MIPOL1: variants seen among roughly 807,000 people sequenced by gnomAD.
MIPOL1 encodes mirror-image polydactyly 1, also known as mirror-image polydactyly gene 1 protein.
Under a neutral mutation model 60.9 loss-of-function variants are expected in MIPOL1, and 57 were observed. The observed-to-expected ratio is 0.94, with a 90% CI of 0.76 to 1.17. MIPOL1 has a LOEUF of 1.17. Among genes scored for constraint, MIPOL1 ranks in the 50% most tolerant of loss-of-function variants. The pLI is 0.00. For missense variants in MIPOL1, 551 were observed against 511.6 expected, an observed-to-expected ratio of 1.08 and a Z score of -0.74; for synonymous variants, 179 against 168.8, an observed-to-expected ratio of 1.06 and a Z score of -0.47.
At chr14:37,222,782 A>G (rs1969032257) in intron 1 of MIPOL1, among the ~76,000 whole-genome samples, 1 of 152,114 alleles carries the variant, frequency 6.6e-6, no homozygotes, top group African/African-American at 2.4e-5. Context: ...TAAGCTTTCC[A>G]TTTATGTCAA....
intron 6 of MIPOL1, among the ~76,000 whole-genome samples, chr14:37,283,207 G>C (rs952810163): frequency 1.3e-5 from 2 of 151,916 alleles, no homozygotes; most frequent in African/African-American, 4.8e-5. Context: ...CTGAGATCAC[G>C]GGTGCCCGCC....
At position 37,515,342 on chromosome 14, in the gene MIPOL1, A is replaced by G. The variant is rs564940541; in HGVS notation, c.1262+15204A>G. Reference sequence around the variant, plus strand: ...GTAGACTACTTTAGCAGGTCTTTCTATAGGAAGACTGACCAAAAGTGACAA... The same window carrying G: ...GTAGACTACTTTAGCAGGTCTTTCTGTAGGAAGACTGACCAAAAGTGACAA... On this transcript the variant is annotated intron_variant, in intron 12 of 12. Transcript: ENST00000684589. Among the ~76,000 whole-genome samples the G allele has an allele frequency of 2.6e-5, 4 of 151,556 alleles. No individual in the cohort carries two copies. In the South Asian group the frequency reaches 6.2e-4, roughly 24 times the overall value.
chr14:37,318,967 G>C (rs1375338042), intron 9 of MIPOL1, among the ~76,000 whole-genome samples: 1 of 151,930 alleles, frequency 6.6e-6, no homozygotes, highest in Non-Finnish European at 1.5e-5. Context: ...AGCCTCCAGG[G>C]AGCTGGGACA....
chr14:37,213,828 A>G (rs191337793), intron 1 of MIPOL1, among the ~76,000 whole-genome samples: 32 of 152,340 alleles, frequency 2.1e-4, no homozygotes, highest in African/African-American at 7.7e-4. Flanking sequence ...AAGTATCAAG[A>G]GAATAGAAAT....
At chr14:37,344,956 G>A (rs985593392) in intron 9 of MIPOL1, among the ~76,000 whole-genome samples, 2 of 149,596 alleles carry the variant, frequency 1.3e-5, no homozygotes, top group Non-Finnish European at 2.9e-5. Context: ...CTTGAGCCCA[G>A]GAGTACGAGG....
chr14:37,431,828 G>C (rs1158333259), intron 11 of MIPOL1, among the ~76,000 whole-genome samples: 2 of 150,710 alleles, frequency 1.3e-5, no homozygotes, highest in Admixed American at 6.6e-5. Context: ...CTCGTGATCC[G>C]CTCGCCTCAG....
chr14:37,433,132 C>T (rs1389821475), intron 11 of MIPOL1, among the ~76,000 whole-genome samples: 1 of 152,146 alleles, frequency 6.6e-6, no homozygotes, highest in Non-Finnish European at 1.5e-5. Context: ...GCAATCATAG[C>T]TCACTGCAGC....
intron 9 of MIPOL1, among the ~76,000 whole-genome samples, chr14:37,346,242 T>C (rs1023387070): frequency 6.6e-6 from 1 of 152,110 alleles, no homozygotes; most frequent in East Asian, 1.9e-4. Context: ...GGCAGGAGAA[T>C]TGCTTGAACC....
At chr14:37,543,571 C>G (rs2095537686) in intron 12 of MIPOL1, among the ~76,000 whole-genome samples, 1 of 152,218 alleles carries the variant, frequency 6.6e-6, no homozygotes. Context: ...GCCACCTTGT[C>G]TGGCCTGACA....
At chr14:37,426,729 CT>C (rs1183384376) in intron 11 of MIPOL1, among the ~76,000 whole-genome samples, 1 of 150,642 alleles carries the variant, frequency 6.6e-6, no homozygotes, top group Non-Finnish European at 1.5e-5. Flanking sequence ...TGGAATGTTA[CT>C]ATTTAAGTGA....
intron 11 of MIPOL1, among the ~76,000 whole-genome samples, chr14:37,484,492 C>T (rs1362617223): frequency 2.6e-5 from 4 of 151,992 alleles, no homozygotes; most frequent in Admixed American, 6.6e-5. Context: ...AGTGTCCTAC[C>T]GCGCCCAGCA....
At chr14:37,457,184 C>T (rs1189922114) in intron 11 of MIPOL1, among the ~76,000 whole-genome samples, 1 of 152,056 alleles carries the variant, frequency 6.6e-6, no homozygotes, top group African/African-American at 2.4e-5. Flanking sequence ...GCCTCTTAGA[C>T]CAGGGCTGTA....
intron 10 of MIPOL1, among the ~76,000 whole-genome samples, chr14:37,409,659 G>A (rs1387042839): frequency 2.6e-5 from 4 of 152,192 alleles, no homozygotes; most frequent in Admixed American, 1.3e-4. Flanking sequence ...GGTGGCACAC[G>A]CCTGTAGTCC....
At chr14:37,334,579 A>G (rs942769450) in intron 9 of MIPOL1, among the ~76,000 whole-genome samples, 12 of 151,982 alleles carry the variant, frequency 7.9e-5, no homozygotes, top group East Asian at 3.8e-4. Flanking sequence ...GTATATTCAG[A>G]TTTGTGTAGT....
chr14:37,310,754 C>T (rs2087249314), intron 9 of MIPOL1, among the ~76,000 whole-genome samples: 3 of 152,126 alleles, frequency 2.0e-5, no homozygotes, highest in African/African-American at 4.8e-5. Flanking sequence ...GATGAGGCCT[C>T]CCAAACTGAG....
chr14:37,547,787 C>T lies in MIPOL1; in HGVS notation c.*816C>T, dbSNP rs1347629206. 5 of 151,966 alleles carry T rather than the reference C, an allele frequency of 3.3e-5. No individual in the cohort carries two copies. Among genetic ancestry groups the T allele is most frequent in the Admixed American group, 2.0e-4 (3 of 15,246 alleles). The allele number at this position is 151,966 out of a possible 1,614,324, so 9.4% of individuals were successfully genotyped here. On this transcript the variant is annotated 3_prime_UTR_variant, in exon 13 of 13. Transcript: ENST00000684589. ...CTCTGTCTTAAAAGAGACCATCAAA[C>T]CTATTAAGTATTCTTATTGTTTATC... is the stretch of plus-strand genomic sequence containing the variant.
intron 10 of MIPOL1, among the ~76,000 whole-genome samples, chr14:37,386,840 T>C (rs2093082183): frequency 6.6e-6 from 1 of 151,946 alleles, no homozygotes; most frequent in Non-Finnish European, 1.5e-5. Flanking sequence ...ATATAAATAG[T>C]ATTTTAACAA....
At chr14:37,292,181 T>C (rs1326003911) in intron 7 of MIPOL1, among the ~76,000 whole-genome samples, 3 of 152,034 alleles carry the variant, frequency 2.0e-5, no homozygotes, top group Non-Finnish European at 2.9e-5. Context: ...CGCTTTGGCT[T>C]CCCAAAGTGC....
intron 10 of MIPOL1, among the ~76,000 whole-genome samples, chr14:37,397,467 C>A (rs1314999710): frequency 1.3e-5 from 2 of 152,124 alleles, no homozygotes; most frequent in Admixed American, 6.5e-5. Flanking sequence ...GCTGGTTGGC[C>A]TCCTGCCAGG....
Sources: gnomAD v4.1 joint callset for allele counts (sites outside exome capture counted in the v4.1 genomes callset) on GRCh38, gnomAD v4.1.1 for gene constraint, MANE v1.5 for transcripts, NCBI Gene and HGNC (gene_info 2026-07-23, HGNC 2026-07-21) for gene names.